ZHX3: variants seen among roughly 807,000 people sequenced by gnomAD.
The protein encoded by ZHX3 is zinc fingers and homeoboxes 3.
In ZHX3, 20 loss-of-function variants were observed where a neutral mutation model predicts 64.5. The observed-to-expected ratio is 0.31, with a 90% CI of 0.22 to 0.45. The LOEUF is 0.45. Ranked by LOEUF, ZHX3 falls within the 20% of genes least tolerant of loss-of-function variation. The pLI is 1.00. For synonymous variants in ZHX3, 423 were observed against 461.6 expected (o/e 0.92, Z 1.07); for missense variants, 1,041 against 1,195.8 (o/e 0.87, Z 1.91).
intron 2 of ZHX3, among the ~76,000 whole-genome samples, chr20:41,206,781 T>G (rs1057245712): frequency 6.6e-6 from 1 of 152,118 alleles, no homozygotes; most frequent in African/African-American, 2.4e-5. Flanking sequence ...AACATTAAAA[T>G]TCAGAAATAC....
At chr20:41,208,472 A>G (rs555676307) in intron 2 of ZHX3, among the ~76,000 whole-genome samples, 1 of 152,374 alleles carries the variant, frequency 6.6e-6, no homozygotes, top group South Asian at 2.1e-4. Flanking sequence ...ATCCAGCAGC[A>G]CATCAAAAAG....
intron 2 of ZHX3, among the ~76,000 whole-genome samples, chr20:41,208,607 T>C (rs1474026172): frequency 6.6e-6 from 1 of 152,086 alleles, no homozygotes. Flanking sequence ...ATTATCTCAA[T>C]AGATGCAGAA....
At chr20:41,266,252 T>G (rs1431418245) in intron 2 of ZHX3, among the ~76,000 whole-genome samples, 1 of 151,860 alleles carries the variant, frequency 6.6e-6, no homozygotes, top group Non-Finnish European at 1.5e-5. Context: ...AGAAGCAGAG[T>G]GGCAGAAATG....
chr20:41,254,010 C>A (rs918627382), intron 2 of ZHX3, among the ~76,000 whole-genome samples: 1 of 152,142 alleles, frequency 6.6e-6, no homozygotes, highest in South Asian at 2.1e-4. Flanking sequence ...CTCAGCCAGG[C>A]GCAATGGCTC....
chr20:41,274,990 C>T (rs1270769337), intron 1 of ZHX3, among the ~76,000 whole-genome samples: 3 of 152,104 alleles, frequency 2.0e-5, no homozygotes, highest in Admixed American at 2.0e-4. Context: ...AACCCTGTCT[C>T]TACTAAAAAT....
intron 2 of ZHX3, chr20:41,239,826 T>C (rs913138507): frequency 6.6e-6 from 1 of 152,226 alleles, no homozygotes; most frequent in African/African-American, 2.4e-5. Context: ...TGGAAATGTA[T>C]TTTAAGTGAC....
chr20:41,238,187 C>T (rs149621527), intron 2 of ZHX3, among the ~76,000 whole-genome samples: 141 of 152,296 alleles, frequency 9.3e-4, no homozygotes, highest in African/African-American at 3.3e-3. Context: ...GGGTCCCTTG[C>T]TATTAAAGCA....
intron 1 of ZHX3, among the ~76,000 whole-genome samples, chr20:41,310,870 G>T (rs958483893): frequency 1.4e-5 from 2 of 141,472 alleles, no homozygotes; most frequent in Non-Finnish European, 3.0e-5. Context: ...GTGCAGTGGC[G>T]TGATCTCGGC....
chr20:41,203,011 G>A lies in ZHX3; in HGVS notation c.1906C>T (p.Leu636Phe), dbSNP rs1422345643. The A allele has an allele frequency of 3.7e-6, 6 of 1,614,166 alleles. No homozygotes were observed. Among genetic ancestry groups the A allele is most frequent in the Middle Eastern group, 1.6e-4 (1 of 6,062 alleles). ...ALESSFAQNP[L>F]PLDEELDRLR... ...CGGTCCAGTTCCTCATCAAGAGGAA[G>A]AGGGTTTTGTGCAAAACTGCTCTCC... Residue 636 changes from leucine to phenylalanine, a missense_variant, in exon 3 of 4, where the codon CTT (leucine) becomes TTT (phenylalanine). Physicochemically the swap from Leu to Phe is conservative, Grantham distance 22. Transcript: ENST00000683867. This position sits in a 1 kb window ranked among gnomAD's most constrained non-coding sequence, Gnocchi z 7.1.
rs1410062844 is a variant in ZHX3, at chr20:41,180,275, G to T, written c.*4916C>A. Reference sequence around the variant, plus strand: ...GGAAGCTTTGGACCAGCAACAACAAGCTAGTACCTATATGTTCTTTATCAT... The same window carrying T: ...GGAAGCTTTGGACCAGCAACAACAATCTAGTACCTATATGTTCTTTATCAT... On this transcript the variant is annotated 3_prime_UTR_variant, in exon 4 of 4. Transcript: ENST00000683867. The T allele has an allele frequency of 6.5e-6, 1 of 152,684 alleles. No homozygotes were observed. The highest frequency in any genetic ancestry group is 1.5e-5 in the Non-Finnish European group (1 of 68,064). 9.5% of individuals were successfully genotyped at this position (152,684 alleles called of 1,614,324 possible). A position where few individuals can be genotyped will look rare whatever the true frequency, so the allele number is the denominator to read the frequency against.
In ZHX3 at chr20:41,200,457, T is replaced by C. The variant is rs979419946; in HGVS notation, c.2860+1600A>G. Among the ~76,000 whole-genome samples the C allele has an allele frequency of 1.3e-5, 2 of 152,118 alleles. No individual in the cohort carries two copies. Among genetic ancestry groups the C allele is most frequent in the South Asian group, 2.1e-4 (1 of 4,820 alleles). On this transcript the variant is annotated intron_variant, in intron 3 of 3. Coordinates refer to ENST00000683867, the MANE Select transcript of ZHX3 (RefSeq NM_001384317.1). This position sits in a 1 kb window ranked among gnomAD's most constrained non-coding sequence, Gnocchi z 4.2. ...AGGAGAGACTACCTGCTCTGCATTATAAAAAAGTTAAACTAGCCATAAAAA... is the reference window on the plus strand; with the variant it reads ...AGGAGAGACTACCTGCTCTGCATTACAAAAAAGTTAAACTAGCCATAAAAA...
rs560815137 is a variant in ZHX3, at chr20:41,182,335, A to C, written c.*2856T>G. ...CTTCAGGAGAGACTAACCTCACCCA[A>C]CTCTCAACTCTGCAGCCCACAAATG... On this transcript the variant is annotated 3_prime_UTR_variant, in exon 4 of 4. Transcript: ENST00000683867. This position sits in a 1 kb window ranked among gnomAD's most constrained non-coding sequence, Gnocchi z 6.1. 2.6e-5 allele frequency: 4 copies of C among 152,314 alleles called. No individual in the cohort carries two copies. In the East Asian group the frequency reaches 7.7e-4, roughly 29 times the overall value. 9.4% of individuals were successfully genotyped at this position (152,314 alleles called of 1,614,324 possible).
intron 2 of ZHX3, among the ~76,000 whole-genome samples, chr20:41,248,373 A>G (rs1313965738): frequency 5.3e-5 from 8 of 152,108 alleles, no homozygotes; most frequent in Non-Finnish European, 1.2e-4. Flanking sequence ...TGCTAAAAGT[A>G]TAACAACACT....
rs530722592 is a variant in ZHX3, at chr20:41,247,992, G to T, written c.-151+20998C>A. Among the ~76,000 whole-genome samples the T allele has an allele frequency of 7.2e-5, 11 of 152,280 alleles. No homozygotes were observed. In the South Asian group the frequency reaches 2.3e-3, roughly 32 times the overall value. On this transcript the variant is annotated intron_variant, in intron 2 of 3. Transcript: ENST00000683867. ...CAGTATAAATTCCTAACTGTTTCAG[G>T]TGGCATTTGAGACCGATGGTATCAG...
rs78940278 is a variant in ZHX3, at chr20:41,219,659, T to C, written c.-150-14593A>G. On this transcript the variant is annotated intron_variant, in intron 2 of 3. Transcript: ENST00000683867. The surrounding 1 kb of genome is among the most constrained non-coding windows in gnomAD (Gnocchi z 5.0). ...GGGTATACAAGGATTTTTGAAAAGA[T>C]GCTAGCTAGCCCTATAACTCAAGAA... 0.044 allele frequency among the ~76,000 whole-genome samples: 6,692 copies of C among 152,348 alleles called. 766 individuals are homozygous for C. In the East Asian group the frequency reaches 0.48, roughly 11 times the overall value.
chr20:41,235,164 A>G (rs1377763889), intron 2 of ZHX3, among the ~76,000 whole-genome samples: 1 of 152,038 alleles, frequency 6.6e-6, no homozygotes, highest in Non-Finnish European at 1.5e-5. Context: ...AGTGGGGGGT[A>G]GTGCCAAAAT....
At chr20:41,316,661 G>C (rs957330140) in intron 1 of ZHX3, among the ~76,000 whole-genome samples, 2 of 152,140 alleles carry the variant, frequency 1.3e-5, no homozygotes, top group South Asian at 4.1e-4. Flanking sequence ...CCCACCCCAA[G>C]TCACATAAGT....
In ZHX3 at chr20:41,178,802, C is replaced by G. The variant is rs973869866; in HGVS notation, c.*6389G>C. On this transcript the variant is annotated 3_prime_UTR_variant, in exon 4 of 4. Coordinates refer to ENST00000683867, the MANE Select transcript of ZHX3 (RefSeq NM_001384317.1). ...GAGTATGCTGTTTTCTCGGTTTGGT[C>G]TCTCACACCTGGCCATGGCAGGAGA... 1.3e-5 allele frequency: 2 copies of G among 152,636 alleles called. No individual in the cohort carries two copies. The highest frequency in any genetic ancestry group is 4.8e-5 in the African/African-American group (2 of 41,468). 9.5% of individuals were successfully genotyped at this position (152,636 alleles called of 1,614,324 possible).
intron 1 of ZHX3, among the ~76,000 whole-genome samples, chr20:41,308,144 T>C (rs1364067016): frequency 6.6e-6 from 1 of 152,220 alleles, no homozygotes; most frequent in Non-Finnish European, 1.5e-5. Flanking sequence ...TCCTCAGCTT[T>C]AGAAGAAAAT....
Sources: allele counts gnomAD v4.1 joint callset (sites outside exome capture counted in the v4.1 genomes callset), GRCh38; gene constraint gnomAD v4.1.1; non-coding constraint Gnocchi (gnomAD v3.1); transcripts MANE v1.5; gene names NCBI Gene and HGNC (gene_info 2026-07-23, HGNC 2026-07-21).